EGFR: variants seen among roughly 807,000 people sequenced by gnomAD.
EGFR encodes avian erythroblastic leukemia viral (v-erb-b) oncogene homolog.
In EGFR, 58 loss-of-function variants were observed where a neutral mutation model predicts 143.0. That is an observed-to-expected ratio of 0.41 (90% CI 0.33 to 0.50). EGFR has a LOEUF of 0.50. Among genes scored for constraint, EGFR ranks in the 20% least tolerant of loss-of-function variants. The pLI, the probability that EGFR is intolerant of heterozygous loss-of-function variation, is 0.39. For synonymous variants in EGFR, 613 were observed against 594.4 expected (o/e 1.03, Z -0.45); for missense variants, 1,307 against 1,579.0 (o/e 0.83, Z 2.92).
At chr7:55,203,964 CAT>C (rs761348515) in intron 27 of EGFR, among the ~76,000 whole-genome samples, 40 of 150,260 alleles carry the variant, frequency 2.7e-4, no homozygotes, top group Admixed American at 1.5e-3. Flanking sequence ...AATCTTTATA[CAT>C]ATGTTATATG....
At chr7:55,050,983 A>C (rs1331370411) in intron 1 of EGFR, among the ~76,000 whole-genome samples, 2 of 152,050 alleles carry the variant, frequency 1.3e-5, no homozygotes, top group African/African-American at 4.8e-5. Flanking sequence ...TGTGTGTGTG[A>C]GTGTGCCCCC....
intron 1 of EGFR, among the ~76,000 whole-genome samples, chr7:55,044,818 T>G (rs1054488368): frequency 6.6e-6 from 1 of 152,236 alleles, no homozygotes; most frequent in Non-Finnish European, 1.5e-5. Flanking sequence ...TAAATGTTTG[T>G]TAAGTGAATG....
chr7:55,165,968 A>G (rs1297256129), intron 15 of EGFR, among the ~76,000 whole-genome samples: 1 of 152,172 alleles, frequency 6.6e-6, no homozygotes, highest in East Asian at 1.9e-4. Context: ...ACTTGAGGTC[A>G]GGAGCTTGAG....
chr7:55,069,387 A>G lies in EGFR; in HGVS notation c.88+50022A>G, dbSNP rs76589229. Among the ~76,000 whole-genome samples the G allele has an allele frequency of 9.8e-3, 1,494 of 152,268 alleles. 18 individuals carry two copies. Among genetic ancestry groups the G allele is most frequent in the African/African-American group, 0.035 (1,435 of 41,546 alleles). ...GGATATGTGCAGCAAGTATCTGCTGAGCTAATAATAAACAGCCTCAGACAG... is the reference window on the plus strand; with the variant it reads ...GGATATGTGCAGCAAGTATCTGCTGGGCTAATAATAAACAGCCTCAGACAG... On this transcript the variant is annotated intron_variant, in intron 1 of 27. Coordinates refer to ENST00000275493, the MANE Select transcript of EGFR (RefSeq NM_005228.5).
chr7:55,182,782 T>A (rs1490943948), intron 20 of EGFR, among the ~76,000 whole-genome samples: 1 of 152,146 alleles, frequency 6.6e-6, no homozygotes, highest in African/African-American at 2.4e-5. Context: ...AATCACTGAA[T>A]ATTTTTGCCA....
intron 1 of EGFR, among the ~76,000 whole-genome samples, chr7:55,041,307 A>C (rs1041566066): frequency 4.6e-5 from 7 of 152,174 alleles, no homozygotes; most frequent in African/African-American, 1.7e-4. Flanking sequence ...GCTATTCGGG[A>C]GGCGGAGGCA....
At chr7:55,033,530 C>T in intron 1 of EGFR, among the ~76,000 whole-genome samples, 1 of 152,176 alleles carries the variant, frequency 6.6e-6, no homozygotes, top group East Asian at 1.9e-4. Flanking sequence ...CATAGGGTCG[C>T]AGAGGGGATT....
rs2128853391 is a variant in EGFR at position 55,019,314 on chromosome 7, G to T, written c.37G>T (p.Ala13Ser). ...PSGTAGAALL[A>S]LLAALCPASR... ...CGGGACGGCCGGGGCAGCGCTCCTGGCGCTGCTGGCTGCGCTCTGCCCGGC... is the reference window on the plus strand; with the variant it reads ...CGGGACGGCCGGGGCAGCGCTCCTGTCGCTGCTGGCTGCGCTCTGCCCGGC... The change falls in exon 1 of 28, where the codon GCG (alanine) becomes TCG (serine). Residue 13 changes from alanine to serine, a missense_variant. Ala to Ser is a moderately conservative substitution (Grantham distance 99). Transcript: ENST00000275493. 1.3e-6 allele frequency: 2 copies of T among 1,522,754 alleles called. No homozygotes were observed. The highest frequency in any genetic ancestry group is 1.8e-6 in the Non-Finnish European group (2 of 1,131,396). 94.3% of individuals were successfully genotyped at this position (1,522,754 alleles called of 1,614,324 possible).
At chr7:55,066,463 G>A (rs1005543036) in intron 1 of EGFR, among the ~76,000 whole-genome samples, 2 of 152,128 alleles carry the variant, frequency 1.3e-5, no homozygotes, top group African/African-American at 4.8e-5. Flanking sequence ...CAGGGCTACC[G>A]TCAGCCTGCG....
rs1171634506 is a variant in EGFR, at chr7:55,019,289, C to G, written c.12C>G (p.Ser4=). The G allele has an allele frequency of 6.6e-7, 1 of 1,505,544 alleles. No homozygotes were observed. The highest frequency in any genetic ancestry group is 1.2e-5 in the South Asian group (1 of 82,350). The allele number at this position is 1,505,544 out of a possible 1,614,324, so 93.3% of individuals were successfully genotyped here. ...TTCGGGGAGCAGCGATGCGACCCTC[C>G]GGGACGGCCGGGGCAGCGCTCCTGG... MRP[S]GTAGAALLAL... The change falls in exon 1 of 28, where the codon TCC becomes TCG. Residue 4 remains serine, a synonymous_variant. Coordinates refer to ENST00000275493, the MANE Select transcript of EGFR (RefSeq NM_005228.5).
In EGFR at chr7:55,201,292, C is replaced by A. The variant is rs780539015; in HGVS notation, c.3051C>A (p.Leu1017=). 1.9e-6 allele frequency: 3 copies of A among 1,614,018 alleles called. No individual in the cohort carries two copies. Among genetic ancestry groups the A allele is most frequent in the Middle Eastern group, 1.6e-4 (1 of 6,062 alleles). Residue 1017 remains leucine (L), a synonymous_variant, in exon 25 of 28, where the codon CTC becomes CTA. Transcript: ENST00000275493. Reference sequence around the variant, plus strand: ...ACGTGGTGGATGCCGACGAGTACCTCATCCCACAGCAGGGCTTCTTCAGCA... The same window carrying A: ...ACGTGGTGGATGCCGACGAGTACCTAATCCCACAGCAGGGCTTCTTCAGCA... ...MDDVVDADEY[L]IPQQGFFSSP...
chr7:55,160,476 C>A, intron 12 of EGFR, 138 bp downstream of exon 12: 1 of 982,120 alleles, frequency 1.0e-6, no homozygotes, highest in Non-Finnish European at 1.5e-6. Context: ...CTTAAGATTC[C>A]TAACTGTGAA....
At chr7:55,173,779 C>T (rs1324065219) in intron 17 of EGFR, 142 bp from the exon 18 acceptor site, 3 of 1,334,404 alleles carry the variant, frequency 2.2e-6, no homozygotes, top group African/African-American at 2.9e-5. Flanking sequence ...TTTGTCCTTC[C>T]AAATGAGCTG....
chr7:55,020,112 C>G (rs1261901550), intron 1 of EGFR, among the ~76,000 whole-genome samples: 2 of 152,238 alleles, frequency 1.3e-5, no homozygotes, highest in East Asian at 3.9e-4. Flanking sequence ...TTAGTTTCCT[C>G]GTTGGCAAAA....
chr7:55,096,300 GT>G (rs1270425339), intron 1 of EGFR, among the ~76,000 whole-genome samples: 2 of 152,118 alleles, frequency 1.3e-5, no homozygotes, highest in African/African-American at 4.8e-5. Context: ...TAATTCTCCG[GT>G]TGTGTTCACC....
In EGFR at chr7:55,192,851, A is replaced by T. The variant is rs373030006; in HGVS notation, c.2701+10A>T. 2.5e-6 allele frequency: 4 copies of T among 1,613,584 alleles called. No homozygotes were observed. The African/African-American group carries it at 4.0e-5, about 16-fold the overall frequency. On this transcript the variant is annotated intron_variant, in intron 22 of 27. Coordinates refer to ENST00000275493, the MANE Select transcript of EGFR (RefSeq NM_005228.5). Reference sequence around the variant, plus strand: ...GATGTCTGGAGCTACGGTGAGTCATAATCCTGATGCTAATGAGTTTGTACT... The same window carrying T: ...GATGTCTGGAGCTACGGTGAGTCATTATCCTGATGCTAATGAGTTTGTACT...
chr7:55,019,222 C>A lies in EGFR; in HGVS notation c.-56C>A. On this transcript the variant is annotated 5_prime_UTR_variant, in exon 1 of 28. The change creates a new upstream start codon in the 5' untranslated region. Transcript: ENST00000275493. ...CGCCACAACCACCGCGCACGGCCCC[C>A]TGACTCCGTCCAGTATTGATCGGGA... 7.3e-7 allele frequency: 1 copy of A among 1,370,036 alleles called. No homozygotes were observed. Among genetic ancestry groups the A allele is most frequent in the Non-Finnish European group, 9.7e-7 (1 of 1,028,820 alleles). The allele number at this position is 1,370,036 out of a possible 1,614,324, so 84.9% of individuals were successfully genotyped here. A position where few individuals can be genotyped will look rare whatever the true frequency, so the allele number is the denominator to read the frequency against.
chr7:55,075,709 T>G (rs1032730229), intron 1 of EGFR, among the ~76,000 whole-genome samples: 1 of 152,152 alleles, frequency 6.6e-6, no homozygotes, highest in Non-Finnish European at 1.5e-5. Context: ...CCATCACAAG[T>G]GCACCACAGC....
intron 6 of EGFR, among the ~76,000 whole-genome samples, chr7:55,153,585 C>T (rs137896736): frequency 4.6e-5 from 7 of 152,160 alleles, no homozygotes; most frequent in African/African-American, 1.2e-4. Flanking sequence ...CTCCTTTACA[C>T]GGCATTGTTC....
Sources: gnomAD v4.1 joint callset for allele counts (sites outside exome capture counted in the v4.1 genomes callset) on GRCh38, gnomAD v4.1.1 for gene constraint, MANE v1.5 for transcripts, NCBI Gene and HGNC (gene_info 2026-07-23, HGNC 2026-07-21) for gene names.